Variants in SLC24A2 observed in about 807,000 individuals in gnomAD.
SLC24A2 encodes sodium/potassium/calcium exchanger 2.
Under a neutral mutation model 62.0 loss-of-function variants are expected in SLC24A2, and 36 were observed. That is an observed-to-expected ratio of 0.58 (90% CI 0.44 to 0.77). The LOEUF is 0.77. Ranked by LOEUF, SLC24A2 falls within the 30% of genes least tolerant of loss-of-function variation. The pLI is 0.00. For synonymous variants in SLC24A2, 358 were observed against 294.0 expected, an observed-to-expected ratio of 1.22 and a Z score of -2.23; for missense variants, 846 against 817.9, an observed-to-expected ratio of 1.03 and a Z score of -0.42.
chr9:20,275,391 AT>A, the SLC24A2 span, among the ~76,000 whole-genome samples: 10 of 152,152 alleles, frequency 6.6e-5, no homozygotes, highest in Non-Finnish European at 1.0e-4. Context: ...TGGTGGTTCT[AT>A]TTTTTTGTGA....
At chr9:20,118,025 A>G in the SLC24A2 span, among the ~76,000 whole-genome samples, 1 of 152,148 alleles carries the variant, frequency 6.6e-6, no homozygotes, top group African/African-American at 2.4e-5. Context: ...CTATGAGCAC[A>G]TCTTTATATT....
the SLC24A2 span, among the ~76,000 whole-genome samples, chr9:19,969,183 C>CCCCACA: frequency 3.1e-4 from 38 of 122,182 alleles, no homozygotes; most frequent in Admixed American, 6.9e-4. Context: ...ACCTCCTTTG[C>CCCCACA]CACACACACA....
At chr9:20,202,013 G>A in the SLC24A2 span, among the ~76,000 whole-genome samples, 3 of 151,620 alleles carry the variant, frequency 2.0e-5, no homozygotes, top group Non-Finnish European at 2.9e-5. Context: ...TTGGGAAGTC[G>A]CCAGAATCTT....
the SLC24A2 span, among the ~76,000 whole-genome samples, chr9:20,038,628 C>CAAAAAAAAAAAAA: frequency 2.2e-4 from 7 of 32,396 alleles, 3 homozygotes; most frequent in African/African-American, 2.4e-4. Context: ...GTAAAAGAAA[C>CAAAAAAAAAAAAA]AAACAAAAAA....
intron 2 of SLC24A2, among the ~76,000 whole-genome samples, chr9:19,667,908 C>CT (rs1819303048): frequency 6.6e-6 from 1 of 152,214 alleles, no homozygotes; most frequent in African/African-American, 2.4e-5. Context: ...AGTTCTTCCT[C>CT]TAGCAAGACT....
At chr9:19,713,053 A>G (rs987195942) in intron 2 of SLC24A2, among the ~76,000 whole-genome samples, 2 of 152,198 alleles carry the variant, frequency 1.3e-5, no homozygotes, top group Admixed American at 1.3e-4. Flanking sequence ...TCAAAACCCT[A>G]CACCTCTCTG....
At chr9:19,961,134 GAAA>G in the SLC24A2 span, among the ~76,000 whole-genome samples, 2 of 85,604 alleles carry the variant, frequency 2.3e-5, no homozygotes, top group Admixed American at 2.7e-4. Flanking sequence ...AGAGACAGAA[GAAA>G]GGGGAGAGAG....
At chr9:19,924,941 T>G in the SLC24A2 span, among the ~76,000 whole-genome samples, 1 of 152,174 alleles carries the variant, frequency 6.6e-6, no homozygotes, top group African/African-American at 2.4e-5. Context: ...TGTTCTAGGC[T>G]CAGTACTCTT....
chr9:20,054,512 AT>A, the SLC24A2 span, among the ~76,000 whole-genome samples: 1 of 152,100 alleles, frequency 6.6e-6, no homozygotes, highest in East Asian at 1.9e-4. Context: ...GATTTCTGAG[AT>A]TTTGGTGCAC....
chr9:19,920,874 C>T, the SLC24A2 span, among the ~76,000 whole-genome samples: 1 of 152,096 alleles, frequency 6.6e-6, no homozygotes, highest in Non-Finnish European at 1.5e-5. Context: ...CTAAAGCCAA[C>T]CTGGGTTCAA....
chr9:20,101,107 C>G, the SLC24A2 span, among the ~76,000 whole-genome samples: 3 of 152,218 alleles, frequency 2.0e-5, no homozygotes, highest in Non-Finnish European at 2.9e-5. Flanking sequence ...ATTTCACAAT[C>G]AGAAATGTGG....
At chr9:19,679,838 CTGTGTGTGTGTGTGTGTGTGTGTGTG>C (rs58253967) in intron 2 of SLC24A2, among the ~76,000 whole-genome samples, 34 of 142,490 alleles carry the variant, frequency 2.4e-4, no homozygotes, top group African/African-American at 8.8e-4. Flanking sequence ...CTCACATATA[CTGTGTGTGTGTGTGTGTGTGTGTGTG>C]TGTGTGTGTG....
At chr9:19,862,151 A>G in the SLC24A2 span, among the ~76,000 whole-genome samples, 7 of 152,214 alleles carry the variant, frequency 4.6e-5, no homozygotes, top group Non-Finnish European at 8.8e-5. Flanking sequence ...GCATTTAATA[A>G]TCAAACTCCC....
At chr9:19,668,267 A>G (rs1405237904) in intron 2 of SLC24A2, among the ~76,000 whole-genome samples, 2 of 152,178 alleles carry the variant, frequency 1.3e-5, no homozygotes, top group Non-Finnish European at 2.9e-5. Context: ...CTTATAGATG[A>G]GAACACTGAG....
chr9:20,056,684 A>G, the SLC24A2 span, among the ~76,000 whole-genome samples: 4 of 152,192 alleles, frequency 2.6e-5, no homozygotes, highest in Non-Finnish European at 4.4e-5. Flanking sequence ...CAACCAAAGC[A>G]AGGGCATATG....
chr9:19,668,022 T>G (rs902236583), intron 2 of SLC24A2, among the ~76,000 whole-genome samples: 1 of 152,194 alleles, frequency 6.6e-6, no homozygotes, highest in Non-Finnish European at 1.5e-5. Context: ...AATGTTTTAA[T>G]TCCCACATCT....
chr9:19,986,550 C>A, the SLC24A2 span, among the ~76,000 whole-genome samples: 1 of 150,162 alleles, frequency 6.7e-6, no homozygotes, highest in Non-Finnish European at 1.5e-5. Context: ...TGTCCATCAG[C>A]AGATAAATGG....
chr9:19,753,555 AT>A (rs1239885208), intron 2 of SLC24A2, among the ~76,000 whole-genome samples: 1 of 152,116 alleles, frequency 6.6e-6, no homozygotes, highest in Non-Finnish European at 1.5e-5. Context: ...ATTCATTTCT[AT>A]TTTTTAAGAA....
At chr9:19,960,559 C>T in the SLC24A2 span, among the ~76,000 whole-genome samples, 3 of 152,188 alleles carry the variant, frequency 2.0e-5, no homozygotes, top group Non-Finnish European at 4.4e-5. Context: ...TTCAGTTTCT[C>T]ACCCATAAAA....
Sources: gnomAD v4.1 joint callset for allele counts (sites outside exome capture counted in the v4.1 genomes callset) on GRCh38, gnomAD v4.1.1 for gene constraint, MANE v1.5 for transcripts, NCBI Gene and HGNC (gene_info 2026-07-23, HGNC 2026-07-21) for gene names.